Variants in NELFB observed in about 807,000 individuals in gnomAD.
NELFB encodes negative elongation factor complex member B.
In NELFB, 34 loss-of-function variants were observed where a neutral mutation model predicts 60.2. The observed-to-expected ratio is 0.56, with a 90% CI of 0.43 to 0.75. NELFB has a LOEUF of 0.75. NELFB is among the 30% of genes least tolerant of loss of function. The probability of loss-of-function intolerance (pLI) is 0.00; values close to 1 mark genes in which losing one functional copy is unlikely to be tolerated. For missense variants in NELFB, 770 were observed against 831.6 expected (o/e 0.93, Z 0.91); for synonymous variants, 459 against 382.1 (o/e 1.20, Z -2.35).
intron 10 of NELFB, 146 bp downstream of exon 10, chr9:137,267,492 T>C (rs1349363297): frequency 0.025 from 5,342 of 213,474 alleles, 84 homozygotes; most frequent in East Asian, 0.18. Context: ...GTTTTCACCT[T>C]TTTTTTTTTT....
At position 137,272,452 on chromosome 9, in the gene NELFB, C is replaced by T. The variant is rs778886478; in HGVS notation, c.1632-55C>T. On this transcript the variant is annotated intron_variant, in intron 11 of 12. Coordinates refer to ENST00000343053, the MANE Select transcript of NELFB (RefSeq NM_015456.5). ...CTTGGCCACCTGCATCTGGGCTGGG[C>T]CTGGGCAGACAGCAGGGCCTGCCTC... 11 of 1,545,384 alleles carry T rather than the reference C, an allele frequency of 7.1e-6. No homozygotes were observed. The African/African-American group carries it at 1.2e-4, about 17-fold the overall frequency.
intron 4 of NELFB, among the ~76,000 whole-genome samples, chr9:137,261,332 T>G (rs9695098): frequency 0.68 from 89,481 of 130,902 alleles, 30,729 homozygotes; most frequent in Admixed American, 0.77. Flanking sequence ...AGAGCACGAC[T>G]CGGTTTCAAA....
intron 2 of NELFB, 63 bp downstream of exon 2, chr9:137,256,133 T>C (rs1837547196): frequency 1.9e-6 from 3 of 1,548,794 alleles, no homozygotes; most frequent in Non-Finnish European, 2.7e-6. Context: ...TTGGATCGAC[T>C]CAGGGGCATT....
chr9:137,258,330 C>T lies in NELFB; in HGVS notation c.741+1276C>T, dbSNP rs926704906. Among the ~76,000 whole-genome samples, 10 of 151,092 alleles carry T rather than the reference C, an allele frequency of 6.6e-5. 1 individual carries two copies. In the East Asian group the frequency reaches 7.8e-4, roughly 12 times the overall value. ...GCAGAGTTGGTGTTTCGCTGTGTTG[C>T]CCAGGCTGGTCTCGAACTCCTGGGC... On this transcript the variant is annotated intron_variant, in intron 4 of 12. Transcript: ENST00000343053.
chr9:137,266,797 G>T, intron 8 of NELFB, 147 bp from the exon 9 acceptor site: 1 of 944,754 alleles, frequency 1.1e-6, no homozygotes. Context: ...CGGGAGGTGG[G>T]AAGAGGGACC....
chr9:137,267,894 T>C (rs748721660), intron 10 of NELFB, among the ~76,000 whole-genome samples: 11 of 152,226 alleles, frequency 7.2e-5, no homozygotes, highest in Non-Finnish European at 1.3e-4. Context: ...GAGCTGTCTT[T>C]ATTTCATCCT....
chr9:137,257,158 G>T lies in NELFB; in HGVS notation c.741+104G>T, dbSNP rs553869319. The T allele has an allele frequency of 2.5e-4, 244 of 992,736 alleles. 3 individuals carry two copies. The South Asian group carries it at 3.7e-3, about 15-fold the overall frequency. 61.5% of individuals were successfully genotyped at this position (992,736 alleles called of 1,614,324 possible). A position where few individuals can be genotyped will look rare whatever the true frequency, so the allele number is the denominator to read the frequency against. On this transcript the variant is annotated intron_variant, in intron 4 of 12. Coordinates refer to ENST00000343053, the MANE Select transcript of NELFB (RefSeq NM_015456.5). ...GCACTCTGCTGCCCTGTGAATGATC[G>T]GGTGGTTCTGCTTCTTGGCTGGGTG... is the stretch of plus-strand genomic sequence containing the variant.
At chr9:137,258,091 C>G (rs539794782) in intron 4 of NELFB, among the ~76,000 whole-genome samples, 1 of 146,580 alleles carries the variant, frequency 6.8e-6, no homozygotes, top group Admixed American at 6.9e-5. Flanking sequence ...AGACATGAGG[C>G]ACCATGCCTA....
At chr9:137,266,100 C>T in intron 7 of NELFB, 121 bp downstream of exon 7, 1 of 839,632 alleles carries the variant, frequency 1.2e-6, no homozygotes, top group Non-Finnish European at 1.9e-6. Context: ...CCTGTGGCCG[C>T]CCTGCTGGCT....
chr9:137,258,407 T>C (rs910773495), intron 4 of NELFB, among the ~76,000 whole-genome samples: 44 of 151,152 alleles, frequency 2.9e-4, no homozygotes, highest in African/African-American at 1.1e-3. Context: ...GGATTATAGG[T>C]GTGAGCGACC....
intron 4 of NELFB, among the ~76,000 whole-genome samples, chr9:137,259,791 C>T (rs1194318355): frequency 1.3e-5 from 2 of 151,300 alleles, no homozygotes; most frequent in African/African-American, 2.4e-5. Flanking sequence ...GTGGCACGAT[C>T]TTGGCTCACT....
chr9:137,266,856 G>C, intron 8 of NELFB, 88 bp from the exon 9 acceptor site: 2 of 1,515,888 alleles, frequency 1.3e-6, no homozygotes, highest in Admixed American at 3.6e-5. Context: ...GGGGGAGTGG[G>C]AGGGCCAGGG....
chr9:137,267,661 T>C (rs932628127), intron 10 of NELFB, among the ~76,000 whole-genome samples: 2 of 151,884 alleles, frequency 1.3e-5, no homozygotes, highest in Admixed American at 1.3e-4. Flanking sequence ...GCCAGGCTAA[T>C]TTTTGTATTT....
chr9:137,270,276 G>A (rs1269322886), intron 10 of NELFB, among the ~76,000 whole-genome samples: 6 of 133,236 alleles, frequency 4.5e-5, no homozygotes, highest in East Asian at 2.3e-4. Context: ...GCCAGACTCC[G>A]TCTCAAAAAA....
intron 4 of NELFB, among the ~76,000 whole-genome samples, chr9:137,258,580 C>T (rs1345657164): frequency 2.0e-5 from 3 of 151,692 alleles, no homozygotes; most frequent in African/African-American, 7.3e-5. Context: ...TCTCGAGTAG[C>T]TGAGACTACA....
At chr9:137,256,104 TGCAGCCG>T (rs774798184) in intron 2 of NELFB, 34 bp downstream of exon 2, 4 of 1,597,232 alleles carry the variant, frequency 2.5e-6, no homozygotes, top group Non-Finnish European at 2.6e-6. Flanking sequence ...AGGTGAGATG[TGCAGCCG>T]GCCTCTCAGC....
rs1263022634 is a variant in NELFB, at chr9:137,264,339, G to A, written c.1022G>A (p.Gly341Asp). The A allele has an allele frequency of 6.3e-7, 1 of 1,593,876 alleles. No homozygotes were observed. The highest frequency in any genetic ancestry group is 8.5e-7 in the Non-Finnish European group (1 of 1,171,898). Residue 341 changes from glycine to aspartate, a missense_variant, in exon 6 of 13, where the codon GGC (glycine) becomes GAC (aspartate). Coordinates refer to ENST00000343053, the MANE Select transcript of NELFB (RefSeq NM_015456.5). ...GGGTTTCTCGATGGCGTCAAGAAGGGCCAGGAGCAGGTGCTGGGGTGAGGG... is the reference window on the plus strand; with the variant it reads ...GGGTTTCTCGATGGCGTCAAGAAGGACCAGGAGCAGGTGCTGGGGTGAGGG...
intron 9 of NELFB, 62 bp from the exon 10 acceptor site, chr9:137,267,178 G>T: frequency 6.2e-7 from 1 of 1,603,488 alleles, no homozygotes; most frequent in East Asian, 2.3e-5. Context: ...GCAGGGGTCG[G>T]TGTGGGGCTG....
At position 137,272,140 on chromosome 9, in the gene NELFB, C is replaced by G. The variant is rs1422605394; in HGVS notation, c.1549C>G (p.Leu517Val). The stretch of plus-strand genomic sequence containing the variant: ...CTTCCTCCACCTGCTCACGGGCAAC[C>G]TTGCGCTGCTGGCCGACGAATTTGC... Residue 517 changes from leucine (L) to valine (V), a missense_variant, in exon 11 of 13, where the codon CTT (leucine) becomes GTT (valine). Transcript: ENST00000343053. 6.2e-7 allele frequency: 1 copy of G among 1,614,234 alleles called. No individual in the cohort carries two copies. Among genetic ancestry groups the G allele is most frequent in the East Asian group, 2.2e-5 (1 of 44,882 alleles).
Sources: gnomAD v4.1 joint callset for allele counts (sites outside exome capture counted in the v4.1 genomes callset) on GRCh38, gnomAD v4.1.1 for gene constraint, MANE v1.5 for transcripts, NCBI Gene and HGNC (gene_info 2026-07-23, HGNC 2026-07-21) for gene names.